Variants in PREP observed in about 807,000 individuals in gnomAD.
PREP encodes dJ355L5.1 (prolyl endopeptidase).
Under a neutral mutation model 87.6 loss-of-function variants are expected in PREP, and 29 were observed. That is an observed-to-expected ratio of 0.33 (90% confidence interval 0.25 to 0.45). The LOEUF (loss-of-function observed/expected upper bound fraction) is 0.45, where lower values mean the gene tolerates loss of function less well. PREP is among the 20% of genes least tolerant of loss of function. PREP has a pLI of 1.00. For missense variants in PREP, 695 were observed against 886.5 expected (o/e 0.78, Z 2.74); for synonymous variants, 337 against 328.6 (o/e 1.03, Z -0.28).
intron 9 of PREP, among the ~76,000 whole-genome samples, chr6:105,326,053 A>G (rs576358058): frequency 6.6e-6 from 1 of 152,328 alleles, no homozygotes; most frequent in Admixed American, 6.5e-5. Flanking sequence ...TCACGTATGT[A>G]AAAAGGCGGC....
At position 105,364,376 on chromosome 6, in the gene PREP, C is replaced by CA. The variant is rs1296624073; in HGVS notation, c.717+4526dup. 2.0e-5 allele frequency among the ~76,000 whole-genome samples: 3 copies of CA among 152,308 alleles called. No homozygotes were observed. In the East Asian group the frequency reaches 5.8e-4, roughly 29 times the overall value. On this transcript the variant is annotated intron_variant, in intron 6 of 14. Coordinates refer to ENST00000652536, the MANE Select transcript of PREP (RefSeq NM_002726.5). ...TGAGATCTGCCTGATCAAGGCAAGA[C>CA]AGACCTGTCCATGCAGGAAGGCAGA...
intron 10 of PREP, among the ~76,000 whole-genome samples, chr6:105,311,517 C>T (rs564788507): frequency 3.3e-5 from 5 of 152,364 alleles, no homozygotes; most frequent in African/African-American, 4.8e-5. Context: ...CCCGTGACCA[C>T]TCCAACTGCA....
intron 6 of PREP, among the ~76,000 whole-genome samples, chr6:105,354,258 G>A (rs1772033703): frequency 6.6e-6 from 1 of 151,948 alleles, no homozygotes; most frequent in Non-Finnish European, 1.5e-5. Context: ...AAAATTTCTT[G>A]AACATGTTTG....
intron 2 of PREP, among the ~76,000 whole-genome samples, chr6:105,387,058 C>T (rs1405511453): frequency 6.6e-6 from 1 of 152,062 alleles, no homozygotes; most frequent in Non-Finnish European, 1.5e-5. Flanking sequence ...ACTAAAAATA[C>T]AAAAATTAGC....
chr6:105,347,208 A>G (rs1362216987), intron 7 of PREP, among the ~76,000 whole-genome samples: 2 of 152,220 alleles, frequency 1.3e-5, no homozygotes, highest in African/African-American at 4.8e-5. Flanking sequence ...AGGAAGTCTG[A>G]GCATGGATCT....
chr6:105,384,468 C>G (rs542017282), intron 2 of PREP, among the ~76,000 whole-genome samples: 2 of 152,322 alleles, frequency 1.3e-5, no homozygotes, highest in South Asian at 4.1e-4. Context: ...ATTGAGCATT[C>G]TCAGTGAGGA....
At chr6:105,370,109 G>A (rs139066367) in intron 5 of PREP, among the ~76,000 whole-genome samples, 1,999 of 151,852 alleles carry the variant, frequency 0.013, 44 homozygotes, top group African/African-American at 0.044. Context: ...AAAATTAGCC[G>A]GGTGGGGTGG....
chr6:105,273,623 T>C lies in PREP; in HGVS notation c.*4521A>G, dbSNP rs1562181861. 1 of 152,150 alleles carries C rather than the reference T, an allele frequency of 6.6e-6. No homozygotes were observed. The highest frequency in any genetic ancestry group is 2.4e-5 in the African/African-American group (1 of 41,438). The allele number at this position is 152,150 out of a possible 1,614,324, so 9.4% of individuals were successfully genotyped here. On this transcript the variant is annotated 3_prime_UTR_variant, in exon 15 of 15. Transcript: ENST00000652536. ...GTTCCTGCTGCCCCCACCCCCAAAA[T>C]TCCTTAAAGGTGCTAAGCAACCTGC...
rs924198797 is a variant in PREP, at chr6:105,274,639, G to A, written c.*3505C>T. ...AAAGATTAGCCGGGAATGATGGTAT[G>A]CGCCTGTAATACCAGCTACTGGGAA... On this transcript the variant is annotated 3_prime_UTR_variant, in exon 15 of 15. Transcript: ENST00000652536. Among the ~76,000 whole-genome samples the A allele has an allele frequency of 2.0e-5, 3 of 152,130 alleles. No homozygotes were observed. Among genetic ancestry groups the A allele is most frequent in the Admixed American group, 2.0e-4 (3 of 15,270 alleles).
At chr6:105,340,517 GACAGGATCAAATCCACACATAACA>G (rs1210260576) in intron 7 of PREP, among the ~76,000 whole-genome samples, 1 of 152,170 alleles carries the variant, frequency 6.6e-6, no homozygotes, top group Non-Finnish European at 1.5e-5. Flanking sequence ...ACATCATAAT[GACAGGATCAAATCCACACATAACA>G]ATATAACCTT....
At chr6:105,299,810 TC>T (rs1770493482) in intron 10 of PREP, among the ~76,000 whole-genome samples, 1 of 152,216 alleles carries the variant, frequency 6.6e-6, no homozygotes, top group Non-Finnish European at 1.5e-5. Flanking sequence ...ATTCATTTCT[TC>T]TTCCCCAAGA....
chr6:105,379,059 T>G (rs1305823552), intron 2 of PREP, among the ~76,000 whole-genome samples: 1 of 152,216 alleles, frequency 6.6e-6, no homozygotes, highest in Non-Finnish European at 1.5e-5. Context: ...AATACAGTAA[T>G]TAACATTTTT....
At position 105,399,745 on chromosome 6, in the gene PREP, G is replaced by A. The variant is rs149951346; in HGVS notation, c.46-1818C>T. On this transcript the variant is annotated intron_variant, in intron 1 of 14. Transcript: ENST00000652536. ...TGCTTTTCCTAGCATTAAGAAATCAGAAAATTTTGAATTGTAAAGCATCTT... is the reference window on the plus strand; with the variant it reads ...TGCTTTTCCTAGCATTAAGAAATCAAAAAATTTTGAATTGTAAAGCATCTT... 1.7e-3 allele frequency among the ~76,000 whole-genome samples: 262 copies of A among 152,238 alleles called. 3 individuals carry two copies. The East Asian group carries it at 0.04, about 23-fold the overall frequency.
At chr6:105,323,915 T>C (rs986859837) in intron 9 of PREP, 147 bp from the exon 10 acceptor site, 7 of 695,396 alleles carry the variant, frequency 1.0e-5, no homozygotes, top group Non-Finnish European at 1.8e-5. Context: ...AGTCGAAGGC[T>C]CACTGCAGAC....
Position 105,370,945 on chromosome 6 carries a change from A to G in PREP, c.596-1921T>C, listed in dbSNP as rs115516641. On this transcript the variant is annotated intron_variant, in intron 5 of 14. Transcript: ENST00000652536. ...TCTGTATGATACTACAACACTGGAT[A>G]CATGTCACTATACATTTGTTCAGAC... Among the ~76,000 whole-genome samples, 304 of 152,346 alleles carry G rather than the reference A, an allele frequency of 2.0e-3. 2 individuals carry two copies. The highest frequency in any genetic ancestry group is 7.2e-3 in the African/African-American group (298 of 41,580).
At chr6:105,309,985 T>C (rs532408644) in intron 10 of PREP, among the ~76,000 whole-genome samples, 23 of 152,364 alleles carry the variant, frequency 1.5e-4, no homozygotes, top group Non-Finnish European at 2.6e-4. Flanking sequence ...TCCCGGGTCC[T>C]GAACTTAATG....
At chr6:105,374,369 C>T (rs1772632933) in intron 4 of PREP, among the ~76,000 whole-genome samples, 1 of 151,996 alleles carries the variant, frequency 6.6e-6, no homozygotes, top group African/African-American at 2.4e-5. Flanking sequence ...ACTCTGACAC[C>T]AGAGATTTCC....
chr6:105,315,507 G>A (rs1255466818), intron 10 of PREP, among the ~76,000 whole-genome samples: 2 of 152,156 alleles, frequency 1.3e-5, no homozygotes, highest in African/African-American at 4.8e-5. Flanking sequence ...AGGATTTTAA[G>A]AATGGTAAAT....
At chr6:105,391,243 A>G (rs11152887) in intron 2 of PREP, among the ~76,000 whole-genome samples, 64,516 of 151,512 alleles carry the variant, frequency 0.43, 17,124 homozygotes, top group African/African-American at 0.76. Context: ...TTAGCTGGGC[A>G]TCGTGGTGGG....
Sources: gnomAD v4.1 joint callset for allele counts (sites outside exome capture counted in the v4.1 genomes callset) on GRCh38, gnomAD v4.1.1 for gene constraint, MANE v1.5 for transcripts, NCBI Gene and HGNC (gene_info 2026-07-23, HGNC 2026-07-21) for gene names.